Variants in ZNF569 observed in about 807,000 individuals in gnomAD.
The protein encoded by ZNF569 is zinc finger protein 569.
A neutral mutation model predicts 56.3 loss-of-function variants in ZNF569; 38 were observed. The observed-to-expected ratio is 0.68, with a 90% confidence interval of 0.52 to 0.88. The LOEUF (loss-of-function observed/expected upper bound fraction) is 0.88. Ranked by LOEUF, ZNF569 falls within the 40% of genes least tolerant of loss-of-function variation. ZNF569 has a pLI of 0.00. For missense variants in ZNF569, 666 were observed against 809.2 expected, an observed-to-expected ratio of 0.82 and a Z score of 2.15; for synonymous variants, 241 against 262.9, an observed-to-expected ratio of 0.92 and a Z score of 0.81.
At position 37,436,385 on chromosome 19, in the gene ZNF569, G is replaced by A. The variant is rs533790628; in HGVS notation, c.15+8522C>T. 7.3e-5 allele frequency among the ~76,000 whole-genome samples: 11 copies of A among 151,580 alleles called. 1 individual carries two copies. The South Asian group carries it at 2.1e-3, about 29-fold the overall frequency. Reference sequence around the variant, plus strand: ...AGCTATAAGCACCTACATCAAACAAGAAGAAAAACTTCAAATAAACAATTT... The same window carrying A: ...AGCTATAAGCACCTACATCAAACAAAAAGAAAAACTTCAAATAAACAATTT... On this transcript the variant is annotated intron_variant, in intron 3 of 5. Coordinates refer to ENST00000316950, the MANE Select transcript of ZNF569 (RefSeq NM_152484.3).
At position 37,412,528 on chromosome 19, in the gene ZNF569, C is replaced by T; in HGVS notation, c.*69G>A. 1 of 1,498,900 alleles carries T rather than the reference C, an allele frequency of 6.7e-7. No individual in the cohort carries two copies. The highest frequency in any genetic ancestry group is 8.9e-7 in the Non-Finnish European group (1 of 1,126,982). The allele number at this position is 1,498,900 out of a possible 1,614,324, so 92.9% of individuals were successfully genotyped here. A position where few individuals can be genotyped will look rare whatever the true frequency, so the allele number is the denominator to read the frequency against. ...CATAGTTTTCTACTCTGGAAGTGAT[C>T]ATGTAATGTGCAATGAGGTGTTAAT... is the stretch of plus-strand genomic sequence containing the variant. On this transcript the variant is annotated 3_prime_UTR_variant, in exon 6 of 6. Coordinates refer to ENST00000316950, the MANE Select transcript of ZNF569 (RefSeq NM_152484.3).
intron 3 of ZNF569, 43 bp from the exon 4 acceptor site, chr19:37,426,421 G>A (rs1413474601): frequency 1.3e-6 from 2 of 1,529,662 alleles, no homozygotes; most frequent in South Asian, 2.6e-5. Flanking sequence ...CATCCATCTT[G>A]GGTGATTGTA....
intron 2 of ZNF569, among the ~76,000 whole-genome samples, chr19:37,461,313 C>CTT (rs200197328): frequency 9.5e-5 from 13 of 136,988 alleles, no homozygotes; most frequent in Non-Finnish European, 1.3e-4. Context: ...AAAATATCCT[C>CTT]TTTTTTTTTT....
Position 37,413,407 on chromosome 19 carries a change from T to TTTTC in ZNF569, c.1247_1250dup (p.Ala418LysfsTer18). The TTTTC allele has an allele frequency of 1.2e-6, 2 of 1,613,330 alleles. No homozygotes were observed. The highest frequency in any genetic ancestry group is 1.7e-6 in the Non-Finnish European group (2 of 1,179,750). ...TGAAGTTTTTCTTGTGGCTGAAGGC[T>TTTTC]TTTCTGCATTCCTTACATTCATAGG... On this transcript the variant is annotated frameshift_variant, in exon 6 of 6. Coordinates refer to ENST00000316950, the MANE Select transcript of ZNF569 (RefSeq NM_152484.3). LOFTEE classifies it high-confidence loss of function.
At chr19:37,426,625 T>A (rs1030610619) in intron 3 of ZNF569, among the ~76,000 whole-genome samples, 1 of 152,166 alleles carries the variant, frequency 6.6e-6, no homozygotes, top group Non-Finnish European at 1.5e-5. Context: ...AATAAAACTT[T>A]AACCAAGTTA....
At chr19:37,462,719 G>C (rs2041774531) in intron 2 of ZNF569, among the ~76,000 whole-genome samples, 1 of 152,078 alleles carries the variant, frequency 6.6e-6, no homozygotes, top group Non-Finnish European at 1.5e-5. Context: ...TTACTTCCCA[G>C]AGTTTGTTAT....
At position 37,426,380 on chromosome 19, in the gene ZNF569, T is replaced by C; in HGVS notation, c.16-2A>G. 6.2e-7 allele frequency: 1 copy of C among 1,600,250 alleles called. No homozygotes were observed. The highest frequency in any genetic ancestry group is 8.5e-7 in the Non-Finnish European group (1 of 1,174,752). ...CACATCTTTGAATGTTACTGTTCCC[T>C]GTAACAACACACTCCCACTCAATCT... On this transcript the variant is annotated splice_acceptor_variant, in intron 3 of 5. Transcript: ENST00000316950. LOFTEE classifies it high-confidence loss of function.
Position 37,448,737 on chromosome 19 carries a change from G to C in ZNF569, c.-43-3773C>G, listed in dbSNP as rs113467599. On this transcript the variant is annotated intron_variant, in intron 2 of 5. Coordinates refer to ENST00000316950, the MANE Select transcript of ZNF569 (RefSeq NM_152484.3). The stretch of plus-strand genomic sequence containing the variant: ...CGCAACCACGCCCGGCTGATTTTTT[G>C]TATTTTTAGTAGAGACGGGGTTTCA... Among the ~76,000 whole-genome samples, 1,006 of 151,564 alleles carry C rather than the reference G, an allele frequency of 6.6e-3. 4 individuals are homozygous for C. The highest frequency in any genetic ancestry group is 0.011 in the Non-Finnish European group (733 of 67,830).
At chr19:37,458,607 ACT>A (rs1410606034) in intron 2 of ZNF569, among the ~76,000 whole-genome samples, 1 of 152,094 alleles carries the variant, frequency 6.6e-6, no homozygotes, top group African/African-American at 2.4e-5. Context: ...GGCATTTATC[ACT>A]CTGCCAGTGC....
At chr19:37,448,506 A>G (rs536725527) in intron 2 of ZNF569, among the ~76,000 whole-genome samples, 28 of 117,736 alleles carry the variant, frequency 2.4e-4, no homozygotes, top group African/African-American at 8.0e-4. Context: ...TAGTTCACTG[A>G]TTTTTCTCCA....
intron 2 of ZNF569, among the ~76,000 whole-genome samples, chr19:37,462,419 A>G (rs1206831726): frequency 1.4e-5 from 2 of 140,486 alleles, no homozygotes; most frequent in African/African-American, 2.6e-5. Context: ...TTCCATTTAG[A>G]AAAAAAAAAA....
At chr19:37,430,569 T>C (rs977269743) in intron 3 of ZNF569, among the ~76,000 whole-genome samples, 1 of 147,524 alleles carries the variant, frequency 6.8e-6, no homozygotes, top group African/African-American at 2.5e-5. Context: ...GGACAACATA[T>C]TCAAAGTTCT....
intron 5 of ZNF569, among the ~76,000 whole-genome samples, chr19:37,418,466 A>G (rs896346434): frequency 1.3e-5 from 2 of 152,208 alleles, no homozygotes; most frequent in East Asian, 3.8e-4. Flanking sequence ...AACAGACAAC[A>G]ATGGATGATA....
Position 37,413,987 on chromosome 19 carries a change from C to A in ZNF569, c.671G>T (p.Ser224Ile). The change falls in exon 6 of 6, where the codon AGT becomes ATT. Residue 224 changes from serine to isoleucine, a missense_variant. Physicochemically the swap from Ser to Ile is moderately radical, Grantham distance 142. Coordinates refer to ENST00000316950, the MANE Select transcript of ZNF569 (RefSeq NM_152484.3). Reference sequence around the variant, plus strand: ...ATGTTTAATAAGTTTTTCCTTGTGACTGAAGGCTTTTCTACAGTTACTACA... The same window carrying A: ...ATGTTTAATAAGTTTTTCCTTGTGAATGAAGGCTTTTCTACAGTTACTACA... ...YECSNCRKAF[S>I]HKEKLIKHYK... 6.2e-7 allele frequency: 1 copy of A among 1,613,624 alleles called. No individual in the cohort carries two copies. The highest frequency in any genetic ancestry group is 8.5e-7 in the Non-Finnish European group (1 of 1,179,920).
chr19:37,425,879 C>T lies in ZNF569; in HGVS notation c.227G>A (p.Arg76Lys). 6 of 1,613,864 alleles carry T rather than the reference C, an allele frequency of 3.7e-6. No individual in the cohort carries two copies. The highest frequency in any genetic ancestry group is 5.1e-6 in the Non-Finnish European group (6 of 1,179,784). Residue 76 changes from arginine (R) to lysine (K), a missense_variant, in exon 5 of 6, where the codon AGA becomes AAA. Physicochemically the swap from Arg to Lys is conservative, Grantham distance 26 (BLOSUM62 2). Transcript: ENST00000316950. ...TCCCTTCCACTAACCTTGCCAGTGT[C>T]TCCTTAATACTTCTTCCTCCATCAC... ...PWVMEEEVLR[R>K]HWQGEIWGVD...
chr19:37,427,883 G>GTATAATA (rs764971007), intron 3 of ZNF569: 9 of 478,828 alleles, frequency 1.9e-5, no homozygotes, highest in African/African-American at 5.9e-5. Flanking sequence ...TCTGGCCCTG[G>GTATAATA]TATAATAGTT....
intron 5 of ZNF569, among the ~76,000 whole-genome samples, chr19:37,421,769 A>C (rs1268965971): frequency 4.4e-5 from 2 of 45,644 alleles, no homozygotes; most frequent in Admixed American, 5.6e-4. Context: ...TTTTTTTTTG[A>C]GACAGGGTCT....
chr19:37,462,414 T>C (rs2041770133), intron 2 of ZNF569, among the ~76,000 whole-genome samples: 2 of 151,394 alleles, frequency 1.3e-5, no homozygotes, highest in Admixed American at 6.6e-5. Context: ...ACTTCTTCCA[T>C]TTAGAAAAAA....
chr19:37,451,647 A>G (rs568857855), intron 2 of ZNF569, among the ~76,000 whole-genome samples: 13 of 152,124 alleles, frequency 8.5e-5, no homozygotes, highest in East Asian at 1.9e-4. Context: ...TAATCATTCT[A>G]TCTTCCCAGT....
Sources: gnomAD v4.1 joint callset for allele counts (sites outside exome capture counted in the v4.1 genomes callset) on GRCh38, gnomAD v4.1.1 for gene constraint, MANE v1.5 for transcripts, NCBI Gene and HGNC (gene_info 2026-07-23, HGNC 2026-07-21) for gene names.